Variants in VTI1A observed in about 807,000 individuals in gnomAD.
The protein encoded by VTI1A is vesicle transport through interaction with t-SNAREs homolog 1A.
In VTI1A, 22 loss-of-function variants were observed where a neutral mutation model predicts 34.9. The observed-to-expected ratio is 0.63, with a 90% CI of 0.45 to 0.90. VTI1A has a LOEUF of 0.90. VTI1A is among the 40% of genes least tolerant of loss of function. The pLI is 0.00. For synonymous variants in VTI1A, 87 were observed against 97.3 expected (o/e 0.89, Z 0.62); for missense variants, 268 against 275.6 (o/e 0.97, Z 0.20).
At chr10:112,853,395 G>A in the VTI1A span, among the ~76,000 whole-genome samples, 1 of 152,152 alleles carries the variant, frequency 6.6e-6, no homozygotes, top group East Asian at 1.9e-4. Context: ...GGCAAGGTGT[G>A]TAGCCTCTTT....
chr10:112,516,633 G>A (rs1849792330), intron 3 of VTI1A, among the ~76,000 whole-genome samples: 1 of 151,856 alleles, frequency 6.6e-6, no homozygotes, highest in African/African-American at 2.4e-5. Flanking sequence ...AAAGAAGGAT[G>A]AGAAATATAT....
In VTI1A at chr10:112,724,277, G is replaced by A. The variant is rs955628441; in HGVS notation, c.560+55279G>A. 3.9e-5 allele frequency among the ~76,000 whole-genome samples: 6 copies of A among 152,176 alleles called. No homozygotes were observed. The East Asian group carries it at 1.2e-3, about 29-fold the overall frequency. ...CATATAAGAGGATAGACAGAGAGCT[G>A]AAGAAAAGATGTGTGTGGCCTTTAA... On this transcript the variant is annotated intron_variant, in intron 7 of 7. Transcript: ENST00000393077.
chr10:112,538,378 C>A, intron 5 of VTI1A, 48 bp downstream of exon 5: 1 of 1,523,642 alleles, frequency 6.6e-7, no homozygotes, highest in South Asian at 1.1e-5. Flanking sequence ...GCACAGCAGT[C>A]TTCACAACAC....
At chr10:112,499,370 T>C (rs1849144818) in intron 3 of VTI1A, among the ~76,000 whole-genome samples, 1 of 152,200 alleles carries the variant, frequency 6.6e-6, no homozygotes, top group South Asian at 2.1e-4. Flanking sequence ...TGAATCTCCA[T>C]TGGATTCTCT....
At chr10:112,835,359 C>T in the VTI1A span, among the ~76,000 whole-genome samples, 3 of 152,306 alleles carry the variant, frequency 2.0e-5, no homozygotes, top group East Asian at 1.9e-4. Flanking sequence ...TTGTTAGACA[C>T]GGGCCTCAGG....
chr10:112,605,464 C>G (rs1241784896), intron 5 of VTI1A, among the ~76,000 whole-genome samples: 1 of 152,138 alleles, frequency 6.6e-6, no homozygotes, highest in Non-Finnish European at 1.5e-5. Context: ...TCCACTACAA[C>G]CTTAGCTGCT....
chr10:112,838,407 C>T, the VTI1A span, among the ~76,000 whole-genome samples: 1 of 152,190 alleles, frequency 6.6e-6, no homozygotes, highest in Non-Finnish European at 1.5e-5. Flanking sequence ...ATTTGAGTTA[C>T]TGAAAAGTAA....
intron 7 of VTI1A, among the ~76,000 whole-genome samples, chr10:112,715,165 A>G (rs1197126814): frequency 2.0e-5 from 3 of 152,166 alleles, no homozygotes; most frequent in African/African-American, 7.2e-5. Flanking sequence ...TCAAGAACAA[A>G]TTGCACCATG....
chr10:112,712,519 G>T (rs994479497), intron 7 of VTI1A, among the ~76,000 whole-genome samples: 2 of 136,614 alleles, frequency 1.5e-5, no homozygotes, highest in Admixed American at 7.4e-5. Flanking sequence ...CACATTAAAT[G>T]ATATAAATCT....
At chr10:112,743,680 A>G (rs900487622) in intron 7 of VTI1A, among the ~76,000 whole-genome samples, 2 of 152,182 alleles carry the variant, frequency 1.3e-5, no homozygotes, top group African/African-American at 2.4e-5. Context: ...CACATGGCAA[A>G]CCCAAGTTTC....
intron 7 of VTI1A, among the ~76,000 whole-genome samples, chr10:112,782,955 C>T (rs1590180213): frequency 6.6e-6 from 1 of 152,234 alleles, no homozygotes; most frequent in East Asian, 1.9e-4. Context: ...AATGAAAATA[C>T]CATCAGATCG....
chr10:112,743,987 C>T (rs2133980687), intron 7 of VTI1A, among the ~76,000 whole-genome samples: 1 of 152,220 alleles, frequency 6.6e-6, no homozygotes, highest in South Asian at 2.1e-4. Context: ...TGGGACCCTC[C>T]CTGTGAAAGG....
chr10:112,812,282 C>T (rs1288591657), intron 7 of VTI1A, among the ~76,000 whole-genome samples: 2 of 152,208 alleles, frequency 1.3e-5, no homozygotes, highest in African/African-American at 4.8e-5. Flanking sequence ...ATTAAGACGG[C>T]TTGCTGCAGA....
At chr10:112,727,058 A>C (rs989214693) in intron 7 of VTI1A, among the ~76,000 whole-genome samples, 2 of 152,236 alleles carry the variant, frequency 1.3e-5, no homozygotes, top group African/African-American at 4.8e-5. Context: ...TGTCTCATTG[A>C]ATAGGGTACA....
intron 7 of VTI1A, among the ~76,000 whole-genome samples, chr10:112,768,617 T>A (rs900342769): frequency 6.6e-6 from 1 of 152,134 alleles, no homozygotes; most frequent in African/African-American, 2.4e-5. Flanking sequence ...GATTTCAGAT[T>A]AAGAGAAACC....
intron 5 of VTI1A, among the ~76,000 whole-genome samples, chr10:112,605,670 A>G (rs764070854): frequency 6.6e-6 from 1 of 152,174 alleles, no homozygotes; most frequent in Non-Finnish European, 1.5e-5. Context: ...TAAGGCCACT[A>G]TCTACCTACC....
intron 5 of VTI1A, among the ~76,000 whole-genome samples, chr10:112,544,356 A>G (rs1850991710): frequency 6.6e-6 from 1 of 152,104 alleles, no homozygotes; most frequent in Non-Finnish European, 1.5e-5. Flanking sequence ...CAGCCTCCCG[A>G]GTAGCTGGGA....
At chr10:112,498,164 G>A (rs1354900585) in intron 3 of VTI1A, among the ~76,000 whole-genome samples, 1 of 152,086 alleles carries the variant, frequency 6.6e-6, no homozygotes, top group Admixed American at 6.5e-5. Context: ...TTTAAAACAA[G>A]TCTCTGTCAG....
intron 7 of VTI1A, among the ~76,000 whole-genome samples, chr10:112,714,715 A>T (rs1849543408): frequency 6.6e-6 from 1 of 152,236 alleles, no homozygotes; most frequent in Non-Finnish European, 1.5e-5. Context: ...ATACTAACTC[A>T]GATGGGTGCC....
Sources: gnomAD v4.1 joint callset for allele counts (sites outside exome capture counted in the v4.1 genomes callset) on GRCh38, gnomAD v4.1.1 for gene constraint, MANE v1.5 for transcripts, NCBI Gene and HGNC (gene_info 2026-07-23, HGNC 2026-07-21) for gene names.